KCNIP4: variants seen among roughly 807,000 people sequenced by gnomAD.
KCNIP4 encodes the protein potassium voltage-gated channel interacting protein 4, also known as Kv channel-interacting protein 4.
A neutral mutation model predicts 34.0 loss-of-function variants in KCNIP4; 12 were observed. The observed-to-expected ratio is 0.35, with a 90% CI of 0.23 to 0.57. The LOEUF (loss-of-function observed/expected upper bound fraction) is 0.57. Ranked by LOEUF, KCNIP4 falls within the 20% of genes least tolerant of loss-of-function variation. The probability of loss-of-function intolerance (pLI) is 0.83; values close to 1 mark genes in which losing one functional copy is unlikely to be tolerated. For synonymous variants in KCNIP4, 124 were observed against 102.2 expected (o/e 1.21, Z -1.29); for missense variants, 238 against 311.7 (o/e 0.76, Z 1.78).
At chr4:21,146,597 A>T (rs541181906) in intron 1 of KCNIP4, among the ~76,000 whole-genome samples, 4 of 152,194 alleles carry the variant, frequency 2.6e-5, no homozygotes, top group Admixed American at 1.3e-4. Flanking sequence ...ACAGTCATAC[A>T]GTTCCCGAAT....
chr4:21,582,393 A>G (rs1406509561), intron 1 of KCNIP4: 1 of 151,936 alleles, frequency 6.6e-6, no homozygotes, highest in Admixed American at 6.6e-5. Flanking sequence ...GTTTAGTATG[A>G]TGGAAAGTGG....
chr4:21,740,382 T>G (rs1281560675), intron 1 of KCNIP4, among the ~76,000 whole-genome samples: 2 of 152,072 alleles, frequency 1.3e-5, no homozygotes, highest in Non-Finnish European at 2.9e-5. Context: ...CCTTCCCTCT[T>G]TTCATTCCTT....
intron 1 of KCNIP4, among the ~76,000 whole-genome samples, chr4:21,459,539 A>T (rs1444640330): frequency 6.6e-6 from 1 of 151,954 alleles, no homozygotes; most frequent in Non-Finnish European, 1.5e-5. Context: ...AGCTCCCAAA[A>T]GTATAGCTCC....
chr4:21,217,998 TAA>T (rs1553835621), intron 1 of KCNIP4, among the ~76,000 whole-genome samples: 1 of 149,380 alleles, frequency 6.7e-6, no homozygotes, highest in African/African-American at 2.5e-5. Context: ...TTTTTTTTTT[TAA>T]ATTTATTTAT....
At chr4:20,733,112 A>G (rs923655871) in intron 6 of KCNIP4, among the ~76,000 whole-genome samples, 3 of 152,172 alleles carry the variant, frequency 2.0e-5, no homozygotes, top group Non-Finnish European at 4.4e-5. Flanking sequence ...TGTTTATTTA[A>G]TTGCATTATA....
chr4:21,145,883 A>G (rs1752304742), intron 1 of KCNIP4, among the ~76,000 whole-genome samples: 1 of 152,182 alleles, frequency 6.6e-6, no homozygotes, highest in African/African-American at 2.4e-5. Flanking sequence ...TCAAAGGGAC[A>G]ATAGATAAAC....
intron 1 of KCNIP4, among the ~76,000 whole-genome samples, chr4:21,730,638 T>C (rs1715520417): frequency 6.6e-6 from 1 of 152,092 alleles, no homozygotes; most frequent in African/African-American, 2.4e-5. Flanking sequence ...AACATTGTAA[T>C]GGGTAAAGGG....
chr4:21,907,533 C>T (rs956263251), intron 1 of KCNIP4, among the ~76,000 whole-genome samples: 4 of 152,106 alleles, frequency 2.6e-5, no homozygotes, highest in African/African-American at 4.8e-5. Flanking sequence ...TTCTTATATA[C>T]GTCTCTTATG....
chr4:21,245,957 T>C (rs1256112096), intron 1 of KCNIP4, among the ~76,000 whole-genome samples: 1 of 152,166 alleles, frequency 6.6e-6, no homozygotes, highest in East Asian at 1.9e-4. Context: ...AGGAGTTTTC[T>C]TAATGAAGAG....
At chr4:21,643,886 A>G in intron 1 of KCNIP4, among the ~76,000 whole-genome samples, 1 of 136,520 alleles carries the variant, frequency 7.3e-6, no homozygotes, top group South Asian at 2.3e-4. Context: ...ATAGATAGAT[A>G]GATAGATAGA....
At chr4:21,682,340 CGACATAA>C (rs1750429409) in intron 1 of KCNIP4, among the ~76,000 whole-genome samples, 1 of 152,076 alleles carries the variant, frequency 6.6e-6, no homozygotes, top group East Asian at 1.9e-4. Flanking sequence ...GATTGTAACT[CGACATAA>C]GATTTGGGCA....
chr4:21,883,343 G>A (rs924151670), intron 1 of KCNIP4, among the ~76,000 whole-genome samples: 4 of 151,808 alleles, frequency 2.6e-5, no homozygotes, highest in Non-Finnish European at 4.4e-5. Flanking sequence ...AGAAACGAGC[G>A]CTTACTAGTT....
intron 1 of KCNIP4, among the ~76,000 whole-genome samples, chr4:21,312,459 C>G (rs1312239709): frequency 3.9e-5 from 6 of 152,186 alleles, no homozygotes; most frequent in Admixed American, 3.9e-4. Flanking sequence ...AGAAACACTG[C>G]ATTAATCTGC....
At chr4:20,754,954 T>C (rs1248246745) in intron 4 of KCNIP4, among the ~76,000 whole-genome samples, 1 of 152,200 alleles carries the variant, frequency 6.6e-6, no homozygotes, top group Non-Finnish European at 1.5e-5. Context: ...ATAGTAAATA[T>C]AATTTTTCTT....
chr4:21,427,488 C>T lies in KCNIP4; in HGVS notation c.61+521083G>A, dbSNP rs538479006. Among the ~76,000 whole-genome samples, 6 of 152,234 alleles carry T rather than the reference C, an allele frequency of 3.9e-5. No homozygotes were observed. In the South Asian group the frequency reaches 1.2e-3, roughly 32 times the overall value. ...AGTCTTCCCTACACTGCACTTCCTCCGTGGTCCCTCAGAGGTAGGGTACAG... is the reference window on the plus strand; with the variant it reads ...AGTCTTCCCTACACTGCACTTCCTCTGTGGTCCCTCAGAGGTAGGGTACAG... On this transcript the variant is annotated intron_variant, in intron 1 of 8. Transcript: ENST00000382152.
intron 1 of KCNIP4, among the ~76,000 whole-genome samples, chr4:21,204,164 C>T (rs1397259678): frequency 7.5e-6 from 1 of 132,788 alleles, no homozygotes; most frequent in Non-Finnish European, 1.5e-5. Flanking sequence ...TTTGTATTTC[C>T]TCCACTCTTC....
chr4:21,388,366 TAAG>T (rs1424874482), intron 1 of KCNIP4, among the ~76,000 whole-genome samples: 1 of 151,862 alleles, frequency 6.6e-6, no homozygotes, highest in Non-Finnish European at 1.5e-5. Context: ...GTATATGACA[TAAG>T]AAGTGTCCCT....
intron 1 of KCNIP4, chr4:21,845,012 T>G (rs184702065): frequency 1.3e-5 from 2 of 151,858 alleles, no homozygotes; most frequent in East Asian, 3.9e-4. Context: ...CAATTTTGGT[T>G]TACGGTTTTA....
chr4:21,498,275 G>A (rs1733014652), intron 1 of KCNIP4, among the ~76,000 whole-genome samples: 1 of 151,614 alleles, frequency 6.6e-6, no homozygotes, highest in Non-Finnish European at 1.5e-5. Flanking sequence ...TTTTCTTTTG[G>A]TTATTTAGAA....
Sources: gnomAD v4.1 joint callset for allele counts (sites outside exome capture counted in the v4.1 genomes callset) on GRCh38, gnomAD v4.1.1 for gene constraint, MANE v1.5 for transcripts, NCBI Gene and HGNC (gene_info 2026-07-23, HGNC 2026-07-21) for gene names.